SIK3: variants seen among roughly 807,000 people sequenced by gnomAD.
SIK3 encodes the protein serine/threonine-protein kinase SIK3.
SIK3 carries 28 observed loss-of-function variants against 144.2 expected under a neutral mutation model. That is an observed-to-expected ratio of 0.19 (90% CI 0.14 to 0.27). The LOEUF (loss-of-function observed/expected upper bound fraction) is 0.27, where lower values mean the gene tolerates loss of function less well. SIK3 is among the 10% of genes least tolerant of loss of function. The pLI, the probability that SIK3 is intolerant of heterozygous loss-of-function variation, is 1.00. For missense variants in SIK3, 1,319 were observed against 1,776.0 expected (o/e 0.74, Z 4.62); for synonymous variants, 686 against 676.3 (o/e 1.01, Z -0.22).
intron 1 of SIK3, among the ~76,000 whole-genome samples, chr11:117,078,865 C>T (rs1249516985): frequency 6.6e-6 from 1 of 152,120 alleles, no homozygotes; most frequent in Non-Finnish European, 1.5e-5. Context: ...CCACCTACCC[C>T]TCTGTGTATT....
intron 4 of SIK3, among the ~76,000 whole-genome samples, chr11:116,922,907 C>CTTTTTTTTTTT (rs202058609): frequency 5.9e-5 from 6 of 102,176 alleles, no homozygotes; most frequent in East Asian, 3.5e-4. Context: ...TTTCTTTTCT[C>CTTTTTTTTTTT]TTTTTTTTTT....
intron 1 of SIK3, among the ~76,000 whole-genome samples, chr11:117,004,368 T>A (rs574315394): frequency 6.6e-6 from 1 of 151,914 alleles, no homozygotes; most frequent in South Asian, 2.1e-4. Flanking sequence ...TACAAAAAAT[T>A]AGCCAGGCGT....
At chr11:116,875,524 C>A (rs1944205893) in intron 9 of SIK3, 73 bp from the exon 10 acceptor site, 1 of 1,482,806 alleles carries the variant, frequency 6.7e-7, no homozygotes, top group Non-Finnish European at 9.2e-7. Context: ...TCCAAGTAGT[C>A]TTGATTGCTA....
chr11:116,847,266 C>T (rs1411131263), intron 23 of SIK3, among the ~76,000 whole-genome samples: 1 of 152,204 alleles, frequency 6.6e-6, no homozygotes, highest in African/African-American at 2.4e-5. Context: ...AATGGGAGAG[C>T]CCTGTGCCAT....
intron 21 of SIK3, chr11:116,856,961 G>A (rs1942975744): frequency 6.6e-6 from 1 of 152,222 alleles, no homozygotes; most frequent in Non-Finnish European, 1.5e-5. Context: ...GGATGGCAAT[G>A]GTGAGGAGTG....
intron 3 of SIK3, among the ~76,000 whole-genome samples, chr11:116,936,946 T>C (rs1366105868): frequency 1.3e-5 from 2 of 152,240 alleles, no homozygotes; most frequent in Admixed American, 6.5e-5. Context: ...AATTCAAGGT[T>C]ATCCTTTAAA....
At chr11:116,937,142 T>C (rs1418702978) in intron 3 of SIK3, among the ~76,000 whole-genome samples, 1 of 152,246 alleles carries the variant, frequency 6.6e-6, no homozygotes, top group Non-Finnish European at 1.5e-5. Context: ...TTTTGGTCCA[T>C]GGATGGGTTT....
intron 1 of SIK3, among the ~76,000 whole-genome samples, chr11:117,059,260 T>G (rs1033399680): frequency 1.3e-5 from 2 of 152,136 alleles, no homozygotes; most frequent in African/African-American, 4.8e-5. Flanking sequence ...ACATGGACAT[T>G]AAAGGCATAC....
chr11:116,911,175 T>G (rs575515625), intron 4 of SIK3, among the ~76,000 whole-genome samples: 1 of 152,124 alleles, frequency 6.6e-6, no homozygotes, highest in East Asian at 1.9e-4. Flanking sequence ...ATGGGGTAGA[T>G]CAGGTAAATT....
chr11:117,066,887 G>A (rs1362833662), intron 1 of SIK3, among the ~76,000 whole-genome samples: 1 of 152,082 alleles, frequency 6.6e-6, no homozygotes, highest in East Asian at 1.9e-4. Flanking sequence ...CTTCACCAAA[G>A]AAGATACACA....
At chr11:117,039,157 A>T (rs757152744) in intron 1 of SIK3, among the ~76,000 whole-genome samples, 3 of 152,258 alleles carry the variant, frequency 2.0e-5, no homozygotes, top group Non-Finnish European at 4.4e-5. Context: ...AGACAGAAAA[A>T]GTTGACTCAA....
chr11:116,963,740 T>G (rs1208421032), intron 1 of SIK3, among the ~76,000 whole-genome samples: 4 of 152,116 alleles, frequency 2.6e-5, no homozygotes, highest in Non-Finnish European at 5.9e-5. Flanking sequence ...ACTGAGAAAA[T>G]AGTCACTCAA....
rs115821628 is a variant in SIK3 at position 116,946,464 on chromosome 11, A to T, written c.454+7580T>A. Among the ~76,000 whole-genome samples, 195 of 152,314 alleles carry T rather than the reference A, an allele frequency of 1.3e-3. 2 individuals carry two copies. Among genetic ancestry groups the T allele is most frequent in the African/African-American group, 4.5e-3 (188 of 41,576 alleles). ...CTGCAAAGGGGACCAGATGACGCCTACACACACAGTCGGGTCCATTATAGG... is the reference window on the plus strand; with the variant it reads ...CTGCAAAGGGGACCAGATGACGCCTTCACACACAGTCGGGTCCATTATAGG... On this transcript the variant is annotated intron_variant, in intron 3 of 24. Coordinates refer to ENST00000445177, the MANE Select transcript of SIK3 (RefSeq NM_001366686.3).
chr11:117,097,374 A>G lies in SIK3; in HGVS notation c.273+769T>C, dbSNP rs538703521. 6.6e-5 allele frequency among the ~76,000 whole-genome samples: 10 copies of G among 151,986 alleles called. No homozygotes were observed. In the South Asian group the frequency reaches 2.1e-3, roughly 32 times the overall value. On this transcript the variant is annotated intron_variant, in intron 1 of 24. Coordinates refer to ENST00000445177, the MANE Select transcript of SIK3 (RefSeq NM_001366686.3). ...CAACAACTAAAAATAACCAGCAATC[A>G]GCTCTCCCAAATTGTTTAACCCCTG...
chr11:117,084,390 C>A (rs1421848429), intron 1 of SIK3, among the ~76,000 whole-genome samples: 1 of 151,994 alleles, frequency 6.6e-6, no homozygotes, highest in Admixed American at 6.6e-5. Context: ...TCAGACCTCT[C>A]GAGTAGCTAG....
chr11:116,935,547 C>T (rs1351492139), intron 3 of SIK3, among the ~76,000 whole-genome samples: 1 of 152,054 alleles, frequency 6.6e-6, no homozygotes, highest in South Asian at 2.1e-4. Flanking sequence ...TAAGCATAAA[C>T]CCAGGTAGGC....
chr11:117,007,079 T>C (rs1951075431), intron 1 of SIK3, among the ~76,000 whole-genome samples: 1 of 152,168 alleles, frequency 6.6e-6, no homozygotes, highest in South Asian at 2.1e-4. Context: ...CAGTTTTATA[T>C]TGAAAATAAA....
At chr11:116,855,246 G>C (rs916958132) in intron 21 of SIK3, 2 of 152,142 alleles carry the variant, frequency 1.3e-5, no homozygotes, top group African/African-American at 4.8e-5. Flanking sequence ...AAAATTCCTT[G>C]AGACAGTCTC....
chr11:117,095,222 G>A (rs1197452598), intron 1 of SIK3, among the ~76,000 whole-genome samples: 2 of 150,062 alleles, frequency 1.3e-5, no homozygotes, highest in African/African-American at 2.5e-5. Flanking sequence ...AAAAGGAGGG[G>A]GATCATAATT....
Sources: gnomAD v4.1 joint callset for allele counts (sites outside exome capture counted in the v4.1 genomes callset) on GRCh38, gnomAD v4.1.1 for gene constraint, MANE v1.5 for transcripts, NCBI Gene and HGNC (gene_info 2026-07-23, HGNC 2026-07-21) for gene names.